The following EXOC4 variants were observed in gnomAD, a reference collection of about 807,000 sequenced individuals.
EXOC4 encodes the protein exocyst complex component 4.
EXOC4 carries 71 observed loss-of-function variants against 107.2 expected under a neutral mutation model. The observed-to-expected ratio is 0.66, with a 90% CI of 0.55 to 0.81. The LOEUF is 0.81. EXOC4 is among the 30% of genes least tolerant of loss of function. The pLI is 0.00. For synonymous variants in EXOC4, 456 were observed against 441.2 expected, an observed-to-expected ratio of 1.03 and a Z score of -0.42; for missense variants, 1,108 against 1,189.6, an observed-to-expected ratio of 0.93 and a Z score of 1.01.
At chr7:133,501,081 C>T (rs1192281104) in intron 9 of EXOC4, among the ~76,000 whole-genome samples, 1 of 152,092 alleles carries the variant, frequency 6.6e-6, no homozygotes, top group Admixed American at 6.6e-5. Flanking sequence ...GTGTGTATGG[C>T]ATATATGTAT....
chr7:133,596,446 C>A (rs1036141596), intron 9 of EXOC4, among the ~76,000 whole-genome samples: 7 of 152,192 alleles, frequency 4.6e-5, no homozygotes, highest in Non-Finnish European at 8.8e-5. Context: ...CGTTCTTTAT[C>A]CTCTGTTTCC....
intron 14 of EXOC4, among the ~76,000 whole-genome samples, chr7:133,950,787 C>T (rs1800672001): frequency 6.6e-6 from 1 of 152,156 alleles, no homozygotes; most frequent in Non-Finnish European, 1.5e-5. Flanking sequence ...TTAGGATTGG[C>T]TTTACAAAGA....
At position 133,331,550 on chromosome 7, in the gene EXOC4, CG is replaced by C. The variant is rs567746132; in HGVS notation, c.763+14161del. Among the ~76,000 whole-genome samples the C allele has an allele frequency of 6.1e-3, 918 of 150,712 alleles. 6 individuals carry two copies. Among genetic ancestry groups the C allele is most frequent in the Non-Finnish European group, 0.01 (708 of 67,652 alleles). On this transcript the variant is annotated intron_variant, in intron 5 of 17. Coordinates refer to ENST00000253861, the MANE Select transcript of EXOC4 (RefSeq NM_021807.4). The stretch of plus-strand genomic sequence containing the variant: ...CGCAATCTCGGCTCACTGCAGGCTC[CG>C]CCCCCTGGGGTTCATGCCATTCTCC...
intron 17 of EXOC4, among the ~76,000 whole-genome samples, chr7:134,048,808 A>G (rs955516988): frequency 1.3e-5 from 2 of 152,110 alleles, no homozygotes; most frequent in Non-Finnish European, 2.9e-5. Context: ...TTGTTTAGCT[A>G]CAAGCTTGGG....
intron 14 of EXOC4, among the ~76,000 whole-genome samples, chr7:133,961,934 C>T (rs1375442941): frequency 6.6e-6 from 1 of 152,128 alleles, no homozygotes; most frequent in East Asian, 1.9e-4. Context: ...CTTACAGCAG[C>T]CTATGGGGGA....
intron 10 of EXOC4, among the ~76,000 whole-genome samples, chr7:133,688,591 T>G (rs1055692902): frequency 6.6e-6 from 1 of 152,170 alleles, no homozygotes. Context: ...GGCCTGAATA[T>G]ATTTTTAAAC....
intron 9 of EXOC4, among the ~76,000 whole-genome samples, chr7:133,554,095 T>C (rs560322179): frequency 6.6e-6 from 1 of 152,304 alleles, no homozygotes; most frequent in Non-Finnish European, 1.5e-5. Flanking sequence ...ATCTGTTATG[T>C]AGACTCCTTT....
chr7:133,979,523 C>T (rs1358189835), intron 14 of EXOC4, among the ~76,000 whole-genome samples: 3 of 152,152 alleles, frequency 2.0e-5, no homozygotes, highest in Admixed American at 1.3e-4. Context: ...TGCGGTGGCT[C>T]ACGCCTGTAA....
chr7:133,449,366 G>T (rs1798288580), intron 7 of EXOC4, among the ~76,000 whole-genome samples: 1 of 152,096 alleles, frequency 6.6e-6, no homozygotes, highest in African/African-American at 2.4e-5. Flanking sequence ...CATTTCTATT[G>T]TTTTAAGCCA....
chr7:134,080,410 TTTG>T, the EXOC4 span, among the ~76,000 whole-genome samples: 12 of 151,238 alleles, frequency 7.9e-5, no homozygotes, highest in South Asian at 4.2e-4. Flanking sequence ...TATTAATAAG[TTTG>T]TTGTTGTTGT....
the EXOC4 span, among the ~76,000 whole-genome samples, chr7:134,074,327 CCTTT>C: frequency 4.6e-5 from 7 of 152,166 alleles, no homozygotes; most frequent in African/African-American, 1.7e-4. Flanking sequence ...CTTCTTCTCC[CCTTT>C]CTTTTCTTTT....
chr7:133,475,370 G>A lies in EXOC4; in HGVS notation c.1225G>A (p.Ala409Thr), dbSNP rs1798986791. ...EYLDMKNTRT[A>T]SEPSAQLSYA... Reference sequence around the variant, plus strand: ...CTTGGATATGAAAAATACTCGTACGGCCTCTGAACCATCAGCTCAACTAAG... The same window carrying A: ...CTTGGATATGAAAAATACTCGTACGACCTCTGAACCATCAGCTCAACTAAG... The change falls in exon 8 of 18, where the codon GCC (alanine) becomes ACC (threonine). Residue 409 changes from alanine (A) to threonine (T), a missense_variant. Physicochemically the swap from Ala to Thr is moderately conservative, Grantham distance 58. Coordinates refer to ENST00000253861, the MANE Select transcript of EXOC4 (RefSeq NM_021807.4). 1.9e-6 allele frequency: 3 copies of A among 1,613,696 alleles called. No homozygotes were observed. The highest frequency in any genetic ancestry group is 1.3e-5 in the African/African-American group (1 of 74,906).
At position 133,882,432 on chromosome 7, in the gene EXOC4, T is replaced by A. The variant is rs116770411; in HGVS notation, c.1735-13167T>A. ...ACTTTACTCACTCAGTTAAGAAATA[T>A]TTATTGAGTACCTGTTATGTTCCAG... On this transcript the variant is annotated intron_variant, in intron 11 of 17. Coordinates refer to ENST00000253861, the MANE Select transcript of EXOC4 (RefSeq NM_021807.4). 2.4e-3 allele frequency among the ~76,000 whole-genome samples: 366 copies of A among 152,318 alleles called. 5 individuals are homozygous for A. The highest frequency in any genetic ancestry group is 8.2e-3 in the African/African-American group (342 of 41,576).
intron 7 of EXOC4, among the ~76,000 whole-genome samples, chr7:133,474,831 G>T (rs1798970918): frequency 6.6e-6 from 1 of 152,082 alleles, no homozygotes; most frequent in East Asian, 1.9e-4. Flanking sequence ...TACAGGTCTT[G>T]AACCTCTGTA....
chr7:133,494,090 A>G (rs188145481), intron 9 of EXOC4, among the ~76,000 whole-genome samples: 1 of 152,216 alleles, frequency 6.6e-6, no homozygotes, highest in Non-Finnish European at 1.5e-5. Context: ...TCTTGCCTCC[A>G]GTTTGACATC....
At chr7:133,293,394 C>CGA (rs1794449638) in intron 3 of EXOC4, among the ~76,000 whole-genome samples, 2 of 152,122 alleles carry the variant, frequency 1.3e-5, no homozygotes, top group Admixed American at 1.3e-4. Context: ...GGGTCCAAAT[C>CGA]GAAATCTTTG....
chr7:133,941,821 T>TTCTCTCTCTCTCTCTCTCTCTCTC (rs67720946), intron 14 of EXOC4, among the ~76,000 whole-genome samples: 7,075 of 129,212 alleles, frequency 0.055, 635 homozygotes, highest in Non-Finnish European at 0.082. Context: ...TGCTTACAGA[T>TTCTCTCTCTCTCTCTCTCTCTCTC]TCTCTCTCTC....
chr7:133,936,303 G>A (rs1255056612), intron 13 of EXOC4, among the ~76,000 whole-genome samples: 1 of 152,204 alleles, frequency 6.6e-6, no homozygotes, highest in Non-Finnish European at 1.5e-5. Context: ...TACTTGGTAG[G>A]ATAAACATTT....
intron 10 of EXOC4, among the ~76,000 whole-genome samples, chr7:133,711,847 C>T (rs1794899228): frequency 6.6e-6 from 1 of 152,176 alleles, no homozygotes; most frequent in African/African-American, 2.4e-5. Flanking sequence ...GTAGTACTCA[C>T]TGTCTTACCA....
Sources: gnomAD v4.1 joint callset for allele counts (sites outside exome capture counted in the v4.1 genomes callset) on GRCh38, gnomAD v4.1.1 for gene constraint, MANE v1.5 for transcripts, NCBI Gene and HGNC (gene_info 2026-07-23, HGNC 2026-07-21) for gene names.